COL19A1: variants seen among roughly 807,000 people sequenced by gnomAD.
COL19A1 encodes the protein collagen type XIX alpha 1 chain.
COL19A1 carries 159 observed loss-of-function variants against 190.2 expected under a neutral mutation model. That is an observed-to-expected ratio of 0.84 (90% confidence interval 0.73 to 0.95). The LOEUF (loss-of-function observed/expected upper bound fraction) is 0.95, where lower values mean the gene tolerates loss of function less well. COL19A1 is among the 40% of genes least tolerant of loss of function. The probability of loss-of-function intolerance (pLI) is 0.00; values close to 1 mark genes in which losing one functional copy is unlikely to be tolerated. For synonymous variants in COL19A1, 509 were observed against 458.9 expected, an observed-to-expected ratio of 1.11 and a Z score of -1.39; for missense variants, 1,418 against 1,431.9, an observed-to-expected ratio of 0.99 and a Z score of 0.16.
intron 9 of COL19A1, among the ~76,000 whole-genome samples, chr6:69,941,262 A>G (rs2150024998): frequency 6.6e-6 from 1 of 152,274 alleles, no homozygotes; most frequent in Admixed American, 6.5e-5. Context: ...ATTATCCTTA[A>G]TAATACCTAG....
chr6:70,058,684 A>G (rs1056761596), intron 14 of COL19A1, among the ~76,000 whole-genome samples: 1 of 150,570 alleles, frequency 6.6e-6, no homozygotes, highest in East Asian at 1.9e-4. Context: ...ATAACATAAC[A>G]TAAAGCTGGT....
intron 18 of COL19A1, among the ~76,000 whole-genome samples, chr6:70,131,842 C>T (rs1195719048): frequency 1.3e-5 from 2 of 151,834 alleles, no homozygotes; most frequent in Non-Finnish European, 2.9e-5. Flanking sequence ...ATTCTTAAGA[C>T]CTCACTGATG....
At chr6:70,090,332 CA>C (rs746151859) in intron 15 of COL19A1, among the ~76,000 whole-genome samples, 3 of 152,116 alleles carry the variant, frequency 2.0e-5, no homozygotes, top group Non-Finnish European at 2.9e-5. Context: ...CATGTACAGA[CA>C]TTTTTTTGGT....
intron 11 of COL19A1, among the ~76,000 whole-genome samples, chr6:69,981,092 A>C (rs1295468604): frequency 1.3e-5 from 2 of 152,186 alleles, no homozygotes; most frequent in African/African-American, 2.4e-5. Flanking sequence ...ATTCTGTTAA[A>C]TTCAAACATT....
intron 19 of COL19A1, 28 bp from the exon 20 acceptor site, chr6:70,140,926 A>G (rs374051943): frequency 1.2e-6 from 2 of 1,607,894 alleles, no homozygotes; most frequent in Non-Finnish European, 1.7e-6. Context: ...AAGAGCGTTT[A>G]ATTCTATTTT....
At chr6:70,097,259 A>G (rs1416492284) in intron 15 of COL19A1, among the ~76,000 whole-genome samples, 1 of 152,144 alleles carries the variant, frequency 6.6e-6, no homozygotes, top group East Asian at 1.9e-4. Context: ...GACAGGATCC[A>G]TGCTGGTCTT....
intron 49 of COL19A1, among the ~76,000 whole-genome samples, chr6:70,200,970 G>C (rs182503526): frequency 5.9e-5 from 9 of 152,284 alleles, no homozygotes; most frequent in African/African-American, 2.2e-4. Context: ...ATGAAGGAAA[G>C]AGAAAAGTAT....
chr6:69,880,061 A>T (rs1768422225), intron 2 of COL19A1, among the ~76,000 whole-genome samples: 1 of 152,244 alleles, frequency 6.6e-6, no homozygotes, highest in South Asian at 2.1e-4. Context: ...GAAAAATCGG[A>T]TAGGAGGTAT....
intron 42 of COL19A1, among the ~76,000 whole-genome samples, chr6:70,178,401 T>C (rs1472038627): frequency 1.3e-5 from 2 of 152,050 alleles, no homozygotes; most frequent in Non-Finnish European, 2.9e-5. Flanking sequence ...ATAAAAGCAC[T>C]GACTGACAAT....
intron 16 of COL19A1, among the ~76,000 whole-genome samples, chr6:70,111,125 T>C (rs1198813193): frequency 6.6e-6 from 1 of 152,204 alleles, no homozygotes; most frequent in Non-Finnish European, 1.5e-5. Context: ...CAAGAGGATC[T>C]CCATACTGTA....
At chr6:69,950,220 A>G (rs1422637953) in intron 9 of COL19A1, among the ~76,000 whole-genome samples, 1 of 151,864 alleles carries the variant, frequency 6.6e-6, no homozygotes, top group Non-Finnish European at 1.5e-5. Flanking sequence ...TTCCTCTGAC[A>G]CCAAGGATAA....
chr6:69,892,837 T>C (rs1769445567), intron 2 of COL19A1, among the ~76,000 whole-genome samples: 1 of 152,224 alleles, frequency 6.6e-6, no homozygotes, highest in Admixed American at 6.5e-5. Flanking sequence ...AAGCATACCC[T>C]TCCAGTCTAA....
intron 11 of COL19A1, among the ~76,000 whole-genome samples, chr6:70,016,473 A>C (rs1279709767): frequency 1.4e-5 from 2 of 144,098 alleles, no homozygotes; most frequent in South Asian, 2.2e-4. Flanking sequence ...GGCTGTTTGC[A>C]TGTGTCAAAA....
At position 70,199,699 on chromosome 6, in the gene COL19A1, T is replaced by A. The variant is rs1242145191; in HGVS notation, c.3186T>A (p.Asp1062Glu). The change falls in exon 49 of 51, where the codon GAT becomes GAA. Residue 1062 changes from aspartate (D) to glutamate (E), a missense_variant. Asp to Glu is a conservative substitution (Grantham distance 45). Coordinates refer to ENST00000620364, the MANE Select transcript of COL19A1 (RefSeq NM_001858.6). ...AYGRPGPPGKDGLPGPPGDPG... is the reference protein window; with the variant it reads ...AYGRPGPPGKEGLPGPPGDPG... ...GGAGACCTGGGCCACCAGGGAAGGATGGGTTGCCTGGGCCACCAGGAGACC... is the reference window on the plus strand; with the variant it reads ...GGAGACCTGGGCCACCAGGGAAGGAAGGGTTGCCTGGGCCACCAGGAGACC... 6.2e-7 allele frequency: 1 copy of A among 1,611,256 alleles called. No individual in the cohort carries two copies. The highest frequency in any genetic ancestry group is 8.5e-7 in the Non-Finnish European group (1 of 1,178,324).
intron 17 of COL19A1, among the ~76,000 whole-genome samples, chr6:70,126,447 C>T (rs751165052): frequency 2.0e-5 from 3 of 152,174 alleles, no homozygotes; most frequent in Non-Finnish European, 2.9e-5. Context: ...CTTTGAGGAA[C>T]GTTGTGGACT....
At chr6:70,181,682 G>C (rs896694918) in intron 44 of COL19A1, among the ~76,000 whole-genome samples, 3 of 112,774 alleles carry the variant, frequency 2.7e-5, no homozygotes, top group Non-Finnish European at 6.0e-5. Context: ...CACACACACA[G>C]AGTTTCAAGT....
At chr6:70,077,068 G>C (rs1781926342) in intron 15 of COL19A1, among the ~76,000 whole-genome samples, 1 of 152,106 alleles carries the variant, frequency 6.6e-6, no homozygotes, top group African/African-American at 2.4e-5. Context: ...AACATTCGGA[G>C]CATGAAACAT....
intron 9 of COL19A1, among the ~76,000 whole-genome samples, chr6:69,941,682 G>A (rs1306395475): frequency 1.4e-5 from 2 of 146,906 alleles, no homozygotes; most frequent in East Asian, 3.9e-4. Context: ...GATACAATGT[G>A]CTAGTTGCTT....
Position 70,156,697 on chromosome 6 carries a change from G to A in COL19A1, c.2266G>A (p.Gly756Arg). Residue 756 changes from glycine to arginine, a missense_variant, in exon 34 of 51, where the codon GGG becomes AGG. Gly to Arg is a moderately radical substitution (Grantham distance 125, BLOSUM62 -2). Coordinates refer to ENST00000620364, the MANE Select transcript of COL19A1 (RefSeq NM_001858.6). Reference sequence around the variant, plus strand: ...AAGCAAAGGAGAGCGGGGCTACCCTGGGATACCTGGGGAGAAAGGCGATGA... The same window carrying A: ...AAGCAAAGGAGAGCGGGGCTACCCTAGGATACCTGGGGAGAAAGGCGATGA... ...KGSKGERGYP[G>R]IPGEKGDEGL... 1 of 1,611,424 alleles carries A rather than the reference G, an allele frequency of 6.2e-7. No homozygotes were observed. The highest frequency in any genetic ancestry group is 8.5e-7 in the Non-Finnish European group (1 of 1,178,398).
Sources: allele counts gnomAD v4.1 joint callset (sites outside exome capture counted in the v4.1 genomes callset), GRCh38; gene constraint gnomAD v4.1.1; transcripts MANE v1.5; gene names NCBI Gene and HGNC (gene_info 2026-07-23, HGNC 2026-07-21).